The following PIGB variants were observed in gnomAD, a reference collection of about 807,000 sequenced individuals.
PIGB encodes phosphatidylinositol glycan anchor biosynthesis class B, also known as GPI alpha-1,2-mannosyltransferase 3.
In PIGB, 58 loss-of-function variants were observed where a neutral mutation model predicts 68.4. That is an observed-to-expected ratio of 0.85 (90% CI 0.69 to 1.06). The LOEUF (loss-of-function observed/expected upper bound fraction) is 1.06, where lower values mean the gene tolerates loss of function less well. Ranked by LOEUF, PIGB falls within the 50% of genes least tolerant of loss-of-function variation. The pLI is 0.00. For missense variants in PIGB, 634 were observed against 655.8 expected (o/e 0.97, Z 0.36); for synonymous variants, 219 against 220.5 (o/e 0.99, Z 0.06).
chr15:55,339,709 A>G (rs2055620065), intron 7 of PIGB, among the ~76,000 whole-genome samples: 1 of 152,206 alleles, frequency 6.6e-6, no homozygotes, highest in African/African-American at 2.4e-5. Flanking sequence ...TCTTAACTGG[A>G]TATAAAACTT....
At chr15:55,354,522 G>GT in intron 10 of PIGB, 1 of 326,030 alleles carries the variant, frequency 3.1e-6, no homozygotes. Context: ...AGAATGTTGA[G>GT]TCCCCCTACT....
chr15:55,326,302 G>C (rs1289568454), intron 3 of PIGB, among the ~76,000 whole-genome samples: 9 of 151,768 alleles, frequency 5.9e-5, no homozygotes, highest in Admixed American at 5.9e-4. Context: ...CTATATTGCA[G>C]GATAGAGAAG....
intron 11 of PIGB, 56 bp from the exon 12 acceptor site, chr15:55,355,230 A>T: frequency 7.1e-7 from 1 of 1,407,976 alleles, no homozygotes; most frequent in Non-Finnish European, 9.8e-7. Flanking sequence ...AAATTGACTG[A>T]AACAGTACTC....
At chr15:55,348,881 A>T (rs188828916) in intron 9 of PIGB, among the ~76,000 whole-genome samples, 1 of 152,242 alleles carries the variant, frequency 6.6e-6, no homozygotes. Context: ...AAGTGCTTCA[A>T]CTTATATTTG....
At position 55,319,274 on chromosome 15, in the gene PIGB, C is replaced by T. The variant is rs1240660323; in HGVS notation, c.24C>T (p.Cys8=). 7.5e-6 allele frequency: 12 copies of T among 1,606,978 alleles called. No homozygotes were observed. The highest frequency in any genetic ancestry group is 3.3e-4 in the Middle Eastern group (2 of 6,066). The change falls in exon 1 of 12, where the codon TGC becomes TGT. Residue 8 remains cysteine, a synonymous_variant. Coordinates refer to ENST00000164305, the MANE Select transcript of PIGB (RefSeq NM_004855.5). ...GGATGAGGAGGCCCCTAAGCAAGTGCGGAATGGAGCCGGGGGGCGGAGATG... is the reference window on the plus strand; with the variant it reads ...GGATGAGGAGGCCCCTAAGCAAGTGTGGAATGGAGCCGGGGGGCGGAGATG... MRRPLSK[C]GMEPGGGDAS...
At chr15:55,327,507 T>C (rs1486554503) in intron 3 of PIGB, 24 bp from the exon 4 acceptor site, 1 of 1,457,616 alleles carries the variant, frequency 6.9e-7, no homozygotes, top group South Asian at 1.2e-5. Flanking sequence ...TTTAACATCC[T>C]GTTCTTCTTT....
rs376020628 is a variant in PIGB at position 55,327,518 on chromosome 15, T to A, written c.418-13T>A. 19 of 1,555,184 alleles carry A rather than the reference T, an allele frequency of 1.2e-5. No individual in the cohort carries two copies. The highest frequency in any genetic ancestry group is 1.7e-5 in the Non-Finnish European group (19 of 1,133,806). On this transcript the variant is annotated splice_polypyrimidine_tract_variant and intron_variant, in intron 3 of 11. Coordinates refer to ENST00000164305, the MANE Select transcript of PIGB (RefSeq NM_004855.5). ...TATTTTTAACATCCTGTTCTTCTTT[T>A]TAACTGATGAAGATTTGGATTCCTA...
intron 3 of PIGB, among the ~76,000 whole-genome samples, chr15:55,325,715 G>A (rs972813901): frequency 6.6e-6 from 1 of 152,110 alleles, no homozygotes; most frequent in Non-Finnish European, 1.5e-5. Flanking sequence ...ACGAGATCAA[G>A]ACCATCCTGG....
At chr15:55,325,331 C>G (rs1215338702) in intron 3 of PIGB, among the ~76,000 whole-genome samples, 2 of 151,980 alleles carry the variant, frequency 1.3e-5, no homozygotes, top group Admixed American at 6.6e-5. Context: ...GTCTCACACA[C>G]ACACACACAA....
At chr15:55,351,169 GCGATCTCGGCTCACTGCAAGCT>G (rs1215903787) in intron 10 of PIGB, among the ~76,000 whole-genome samples, 40 of 148,534 alleles carry the variant, frequency 2.7e-4, no homozygotes, top group African/African-American at 1.0e-3. Flanking sequence ...GTGCAGTGGC[GCGATCTCGGCTCACTGCAAGCT>G]CCGCCTCCCA....
At chr15:55,342,238 G>C (rs572774664) in intron 9 of PIGB, among the ~76,000 whole-genome samples, 2 of 152,324 alleles carry the variant, frequency 1.3e-5, no homozygotes, top group South Asian at 4.1e-4. Flanking sequence ...TAACATGTCT[G>C]TTTTTAGATT....
chr15:55,330,398 A>G (rs1314039408), intron 5 of PIGB, among the ~76,000 whole-genome samples: 1 of 152,192 alleles, frequency 6.6e-6, no homozygotes, highest in Non-Finnish European at 1.5e-5. Flanking sequence ...GCTGGAGGAG[A>G]AGAGTTTTGG....
At chr15:55,326,841 T>C (rs185472581) in intron 3 of PIGB, among the ~76,000 whole-genome samples, 70 of 151,668 alleles carry the variant, frequency 4.6e-4, no homozygotes, top group African/African-American at 1.6e-3. Flanking sequence ...CTCATAAAAA[T>C]AAATAAATAA....
rs9652462 is a variant in PIGB, at chr15:55,326,741, G to T, written c.418-790G>T. 3.7e-3 allele frequency among the ~76,000 whole-genome samples: 565 copies of T among 152,218 alleles called. 2 individuals are homozygous for T. The highest frequency in any genetic ancestry group is 5.6e-3 in the Non-Finnish European group (379 of 68,000). Reference sequence around the variant, plus strand: ...AATTAGCCGGGCGTGGGAGGCTGAGGCAGGAGAATGGCGTGAACCCGGGAG... The same window carrying T: ...AATTAGCCGGGCGTGGGAGGCTGAGTCAGGAGAATGGCGTGAACCCGGGAG... On this transcript the variant is annotated intron_variant, in intron 3 of 11. Transcript: ENST00000164305.
intron 9 of PIGB, among the ~76,000 whole-genome samples, chr15:55,347,486 C>T (rs535724709): frequency 6.6e-6 from 1 of 152,216 alleles, no homozygotes; most frequent in African/African-American, 2.4e-5. Context: ...CCCCAAACTT[C>T]ATTTTTAAGT....
intron 3 of PIGB, among the ~76,000 whole-genome samples, chr15:55,327,014 C>G (rs1281690546): frequency 1.3e-5 from 2 of 151,940 alleles, no homozygotes; most frequent in South Asian, 2.1e-4. Flanking sequence ...GTCTGAAGTC[C>G]TAGCTACTCA....
intron 10 of PIGB, 36 bp downstream of exon 10, chr15:55,350,948 A>G: frequency 1.0e-6 from 1 of 997,082 alleles, no homozygotes; most frequent in Non-Finnish European, 1.5e-6. Context: ...CTGTTAAGAA[A>G]CTGAAACTGA....
rs763595729 is a variant in PIGB at position 55,329,718 on chromosome 15, T to G, written c.523-6T>G. On this transcript the variant is annotated splice_region_variant and splice_polypyrimidine_tract_variant and intron_variant, in intron 4 of 11. Transcript: ENST00000164305. ...TCATATATGTTTGCTCTGTACTTTT[T>G]CTTAGTTTTTTTGCCAGTTGTGCTC... 3 of 1,605,886 alleles carry G rather than the reference T, an allele frequency of 1.9e-6. No homozygotes were observed. The Admixed American group carries it at 5.2e-5, about 28-fold the overall frequency.
At chr15:55,349,288 A>C (rs1446678358) in intron 9 of PIGB, among the ~76,000 whole-genome samples, 1 of 151,502 alleles carries the variant, frequency 6.6e-6, no homozygotes, top group East Asian at 1.9e-4. Context: ...GCACAGGTGA[A>C]CCTCCTGCCT....
Sources: gnomAD v4.1 joint callset for allele counts (sites outside exome capture counted in the v4.1 genomes callset) on GRCh38, gnomAD v4.1.1 for gene constraint, MANE v1.5 for transcripts, NCBI Gene and HGNC (gene_info 2026-07-23, HGNC 2026-07-21) for gene names.